Variants in FBN1 observed in about 807,000 individuals in gnomAD.
FBN1 encodes fibrillin 1.
In FBN1, 29 loss-of-function variants were observed where a neutral mutation model predicts 365.1. The observed-to-expected ratio is 0.08, with a 90% CI of 0.06 to 0.11. The LOEUF is 0.11. FBN1 is among the 10% of genes least tolerant of loss of function. The probability of loss-of-function intolerance (pLI) is 1.00; values close to 1 mark genes in which losing one functional copy is unlikely to be tolerated. For missense variants in FBN1, 2,476 were observed against 3,703.2 expected, an observed-to-expected ratio of 0.67 and a Z score of 8.60; for synonymous variants, 1,210 against 1,270.5, an observed-to-expected ratio of 0.95 and a Z score of 1.01.
intron 6 of FBN1, among the ~76,000 whole-genome samples, chr15:48,576,499 G>A (rs1342901412): frequency 2.0e-5 from 3 of 152,170 alleles, no homozygotes; most frequent in Non-Finnish European, 2.9e-5. Context: ...AAGCTGGAGG[G>A]CAGGAACCTT....
At chr15:48,514,109 G>A (rs1241804889) in intron 12 of FBN1, among the ~76,000 whole-genome samples, 1 of 152,134 alleles carries the variant, frequency 6.6e-6, no homozygotes, top group Non-Finnish European at 1.5e-5. Context: ...AAAACATGAA[G>A]CAACTGTTGT....
intron 6 of FBN1, among the ~76,000 whole-genome samples, chr15:48,570,957 C>A (rs1474139796): frequency 6.6e-6 from 1 of 152,074 alleles, no homozygotes; most frequent in East Asian, 1.9e-4. Flanking sequence ...GGAAAATGGT[C>A]TGTTGACTAA....
At chr15:48,493,032 G>A (rs1441313582) in intron 23 of FBN1, among the ~76,000 whole-genome samples, 3 of 152,242 alleles carry the variant, frequency 2.0e-5, no homozygotes, top group African/African-American at 4.8e-5. Context: ...ATGTGGGCCA[G>A]TGAAGGGTCT....
intron 32 of FBN1, chr15:48,476,608 TTC>T (rs2043419839): frequency 7.1e-6 from 1 of 141,568 alleles, no homozygotes; most frequent in Non-Finnish European, 1.5e-5. Flanking sequence ...TTCTTTTCTT[TTC>T]TTTTTTTTTT....
At chr15:48,516,584 T>C (rs545384416) in intron 10 of FBN1, among the ~76,000 whole-genome samples, 3 of 152,314 alleles carry the variant, frequency 2.0e-5, no homozygotes, top group African/African-American at 4.8e-5. Context: ...TCCAAAACCA[T>C]GTTCCTCCCA....
intron 2 of FBN1, among the ~76,000 whole-genome samples, chr15:48,635,021 T>C (rs1283494989): frequency 6.6e-6 from 1 of 152,144 alleles, no homozygotes; most frequent in Non-Finnish European, 1.5e-5. Context: ...ACATAAATCC[T>C]GTCTCCCAAC....
At chr15:48,435,776 G>GTGTGTATATATGTATA (rs2043066384) in intron 53 of FBN1, among the ~76,000 whole-genome samples, 1 of 28,526 alleles carries the variant, frequency 3.5e-5, no homozygotes, top group African/African-American at 1.1e-4. Flanking sequence ...GTGTATATGT[G>GTGTGTATATATGTATA]TGTGTGTGTG....
At chr15:48,439,511 T>C (rs1333198888) in intron 50 of FBN1, among the ~76,000 whole-genome samples, 1 of 152,240 alleles carries the variant, frequency 6.6e-6, no homozygotes, top group African/African-American at 2.4e-5. Flanking sequence ...TAATGTTTTG[T>C]ATTTATCAGT....
intron 12 of FBN1, among the ~76,000 whole-genome samples, chr15:48,514,203 A>G (rs757150862): frequency 6.6e-6 from 1 of 152,208 alleles, no homozygotes. Context: ...TTTTACAGTC[A>G]CTTAGAATTA....
At chr15:48,563,928 T>G (rs1451851341) in intron 6 of FBN1, among the ~76,000 whole-genome samples, 1 of 152,230 alleles carries the variant, frequency 6.6e-6, no homozygotes, top group Non-Finnish European at 1.5e-5. Flanking sequence ...AAAATGAGAC[T>G]TGGAGATGAA....
At chr15:48,557,230 C>G (rs913958209) in intron 6 of FBN1, among the ~76,000 whole-genome samples, 4 of 152,146 alleles carry the variant, frequency 2.6e-5, no homozygotes, top group Admixed American at 6.5e-5. Context: ...TTTTAGAGAA[C>G]AGCTCGTCAC....
intron 29 of FBN1, among the ~76,000 whole-genome samples, chr15:48,486,378 C>T (rs2043506973): frequency 6.6e-6 from 1 of 152,112 alleles, no homozygotes; most frequent in African/African-American, 2.4e-5. Context: ...GTGTACACCC[C>T]AAACCAGGCA....
At position 48,516,267 on chromosome 15, in the gene FBN1, C is replaced by A; in HGVS notation, c.1243G>T (p.Val415Phe). Residue 415 changes from valine (V) to phenylalanine (F), a missense_variant, in exon 11 of 66, where the codon GTT (valine) becomes TTT (phenylalanine). Val to Phe is a conservative substitution (Grantham distance 50). This residue lies in a region of FBN1 where 421 missense variants were observed against 520.1 expected (regional missense o/e 0.81). Coordinates refer to ENST00000316623, the MANE Select transcript of FBN1 (RefSeq NM_000138.5). ...PLGPIPPVLP[V>F]PPGFPPGPQI... Reference sequence around the variant, plus strand: ...GGTCCAGGAGGAAAGCCAGGAGGAACAGGGAGAACTGGAGGAATGGGGCCA... The same window carrying A: ...GGTCCAGGAGGAAAGCCAGGAGGAAAAGGGAGAACTGGAGGAATGGGGCCA... 1 of 1,613,390 alleles carries A rather than the reference C, an allele frequency of 6.2e-7. No homozygotes were observed. Among genetic ancestry groups the A allele is most frequent in the East Asian group, 2.2e-5 (1 of 44,850 alleles).
chr15:48,588,237 G>C (rs62011435), intron 6 of FBN1, among the ~76,000 whole-genome samples: 2,661 of 152,198 alleles, frequency 0.017, 36 homozygotes, highest in Non-Finnish European at 0.027. Flanking sequence ...TTTTAATACT[G>C]AGTATCTATT....
chr15:48,478,836 T>C lies in FBN1; in HGVS notation c.3964+2819A>G, dbSNP rs186941080. 4.9e-4 allele frequency among the ~76,000 whole-genome samples: 75 copies of C among 152,174 alleles called. 1 individual carries two copies. The highest frequency in any genetic ancestry group is 9.6e-4 in the African/African-American group (40 of 41,528). On this transcript the variant is annotated intron_variant, in intron 32 of 65. Coordinates refer to ENST00000316623, the MANE Select transcript of FBN1 (RefSeq NM_000138.5). ...TGGATTCTGAACATTGCTAAAGTGA[T>C]TGGGGGAAAAAACATGTTTATTTGT...
At chr15:48,460,217 A>T in intron 43 of FBN1, 29 bp downstream of exon 43, 1 of 1,585,166 alleles carries the variant, frequency 6.3e-7, no homozygotes, top group Non-Finnish European at 8.7e-7. Context: ...AAAAAACCAG[A>T]AAGTTCTGAC....
chr15:48,497,172 T>C (rs376614798), intron 19 of FBN1, 94 bp downstream of exon 19: 14 of 1,447,502 alleles, frequency 9.7e-6, no homozygotes, highest in East Asian at 9.1e-5. Context: ...ATTTGCCCAG[T>C]CCTCTAAGCT....
rs571164659 is a variant in FBN1, at chr15:48,644,594, C to G, written c.164+12G>C. ...GGAGACCCACACCAAAGGAGGGAACCGGTTCCTTTACCCTTTAAGCGCGTC... is the reference window on the plus strand; with the variant it reads ...GGAGACCCACACCAAAGGAGGGAACGGGTTCCTTTACCCTTTAAGCGCGTC... On this transcript the variant is annotated intron_variant, in intron 2 of 65. Transcript: ENST00000316623. 1 of 1,614,062 alleles carries G rather than the reference C, an allele frequency of 6.2e-7. No homozygotes were observed. The highest frequency in any genetic ancestry group is 1.3e-5 in the African/African-American group (1 of 75,046).
chr15:48,508,139 T>C (rs984572176), intron 15 of FBN1, among the ~76,000 whole-genome samples: 5 of 152,062 alleles, frequency 3.3e-5, no homozygotes, highest in African/African-American at 4.8e-5. Context: ...CTAGAGGAAA[T>C]TATGAGGAAG....
Sources: gnomAD v4.1 joint callset for allele counts (sites outside exome capture counted in the v4.1 genomes callset) on GRCh38, gnomAD v4.1.1 for gene constraint, gnomAD v4.1.1 regional missense constraint, MANE v1.5 for transcripts, NCBI Gene and HGNC (gene_info 2026-07-23, HGNC 2026-07-21) for gene names.